The following MYO18A variants were observed in gnomAD, a reference collection of about 807,000 sequenced individuals.
The protein encoded by MYO18A is myosin XVIIIA, also known as unconventional myosin-XVIIIa.
MYO18A carries 78 observed loss-of-function variants against 235.8 expected under a neutral mutation model. The ratio of observed to expected loss-of-function variants is 0.33; its 90% CI spans 0.28 to 0.40. The LOEUF (loss-of-function observed/expected upper bound fraction) is 0.40. MYO18A is among the 10% of genes least tolerant of loss of function. MYO18A has a pLI of 1.00. For synonymous variants in MYO18A, 977 were observed against 1,077.8 expected (o/e 0.91, Z 1.83); for missense variants, 2,215 against 2,699.3 (o/e 0.82, Z 3.98).
chr17:29,144,646 C>T (rs1323993256), intron 2 of MYO18A, among the ~76,000 whole-genome samples: 5 of 152,186 alleles, frequency 3.3e-5, no homozygotes, highest in Non-Finnish European at 7.3e-5. Flanking sequence ...AAAGGCAGTA[C>T]ATGTAAAGCA....
intron 15 of MYO18A, among the ~76,000 whole-genome samples, chr17:29,112,886 G>A (rs1598324001): frequency 6.6e-6 from 1 of 152,254 alleles, no homozygotes; most frequent in African/African-American, 2.4e-5. Flanking sequence ...TCTAGTGGCA[G>A]GAACCGAGTA....
chr17:29,118,025 T>C lies in MYO18A; in HGVS notation c.2038+20A>G. The C allele has an allele frequency of 6.4e-7, 1 of 1,567,472 alleles. No individual in the cohort carries two copies. ...TCACCCAGGGGACAGGCCAGCCTAC[T>C]GGGACCCACTGCAGGTTACCTTTGG... is the stretch of plus-strand genomic sequence containing the variant. On this transcript the variant is annotated intron_variant, in intron 10 of 41. Coordinates refer to ENST00000527372, the MANE Select transcript of MYO18A (RefSeq NM_078471.4). This position sits in a 1 kb window ranked among gnomAD's most constrained non-coding sequence, Gnocchi z 4.2.
In MYO18A at chr17:29,180,198, G is replaced by T; in HGVS notation, c.-82+115C>A. 6.6e-6 allele frequency: 1 copy of T among 151,240 alleles called. No homozygotes were observed. Among genetic ancestry groups the T allele is most frequent in the South Asian group, 2.0e-4 (1 of 4,946 alleles). The allele number at this position is 151,240 out of a possible 1,614,324, so 9.4% of individuals were successfully genotyped here. ...CTTCCAGGGGACGGGGGAGGAGGAGGAGGAGCCGGCGGGCCCCGCCGCCCG... is the reference window on the plus strand; with the variant it reads ...CTTCCAGGGGACGGGGGAGGAGGAGTAGGAGCCGGCGGGCCCCGCCGCCCG... On this transcript the variant is annotated intron_variant, in intron 1 of 41. Coordinates refer to ENST00000527372, the MANE Select transcript of MYO18A (RefSeq NM_078471.4). The surrounding 1 kb of genome is among the most constrained non-coding windows in gnomAD (Gnocchi z 6.1).
At position 29,175,064 on chromosome 17, in the gene MYO18A, A is replaced by G. The variant is rs1054607071; in HGVS notation, c.-82+5249T>C. Among the ~76,000 whole-genome samples the G allele has an allele frequency of 2.6e-5, 4 of 152,250 alleles. 1 individual carries two copies. On this transcript the variant is annotated intron_variant, in intron 1 of 41. Coordinates refer to ENST00000527372, the MANE Select transcript of MYO18A (RefSeq NM_078471.4). ...GAAAAATATATGCTCTGGGGAGGAG[A>G]CTGGAATTTTAGAAGGGTCAAATAG... is the stretch of plus-strand genomic sequence containing the variant.
In MYO18A at chr17:29,109,890, C is replaced by A; in HGVS notation, c.3299G>T (p.Arg1100Leu). 3 of 1,569,400 alleles carry A rather than the reference C, an allele frequency of 1.9e-6. No homozygotes were observed. The highest frequency in any genetic ancestry group is 1.9e-5 in the Admixed American group (1 of 53,116). Residue 1100 changes from arginine to leucine, a missense_variant, in exon 19 of 42, where the codon CGC becomes CTC. Physicochemically the swap from Arg to Leu is moderately radical, Grantham distance 102. Coordinates refer to ENST00000527372, the MANE Select transcript of MYO18A (RefSeq NM_078471.4). The surrounding 1 kb of genome is among the most constrained non-coding windows in gnomAD (Gnocchi z 4.1). ...GTACATGCGCATGGCATCGAGCAGG[C>A]GGGAGCCGCGGAGCTGGGTGCGGAG... ...PLLRTQLRGS[R>L]LLDAMRMYRQ...
At chr17:29,171,303 A>C (rs1012975217) in intron 1 of MYO18A, among the ~76,000 whole-genome samples, 4 of 152,084 alleles carry the variant, frequency 2.6e-5, no homozygotes, top group African/African-American at 4.8e-5. Context: ...CGGGCGTGGC[A>C]GCACACACCT....
Position 29,121,535 on chromosome 17 carries a change from A to C in MYO18A, c.1371+12T>G. On this transcript the variant is annotated intron_variant, in intron 5 of 41. Coordinates refer to ENST00000527372, the MANE Select transcript of MYO18A (RefSeq NM_078471.4). This position sits in a 1 kb window ranked among gnomAD's most constrained non-coding sequence, Gnocchi z 4.2. ...ACCAGGAGTCTGCAGGGTAGCCTTGAGGGTGCTGCACCTTCTCAGAGTACA... is the reference window on the plus strand; with the variant it reads ...ACCAGGAGTCTGCAGGGTAGCCTTGCGGGTGCTGCACCTTCTCAGAGTACA... 6.3e-7 allele frequency: 1 copy of C among 1,590,778 alleles called. No homozygotes were observed.
rs2066612363 is a variant in MYO18A, at chr17:29,099,834, G to A, written c.3508-72C>T. 7.0e-6 allele frequency: 11 copies of A among 1,561,266 alleles called. No homozygotes were observed. The South Asian group carries it at 1.3e-4, about 19-fold the overall frequency. ...GCAGAGGAAAGGCAGAGAAGGTGAG[G>A]AACTGGAGAAACAAGCAGGCCAGGG... is the stretch of plus-strand genomic sequence containing the variant. On this transcript the variant is annotated intron_variant, in intron 21 of 41. Coordinates refer to ENST00000527372, the MANE Select transcript of MYO18A (RefSeq NM_078471.4).
At chr17:29,151,846 C>T (rs191158347) in intron 2 of MYO18A, among the ~76,000 whole-genome samples, 1 of 152,316 alleles carries the variant, frequency 6.6e-6, no homozygotes, top group African/African-American at 2.4e-5. Flanking sequence ...AATGAAGCCT[C>T]ATCCAGGGCA....
At chr17:29,080,063 G>A (rs984084044) in intron 41 of MYO18A, 2 of 985,810 alleles carry the variant, frequency 2.0e-6, no homozygotes, top group African/African-American at 1.7e-5. Flanking sequence ...CCGCTCCTTC[G>A]CCGGCTCCGG....
chr17:29,127,914 G>T, intron 2 of MYO18A: 1 of 994,444 alleles, frequency 1.0e-6, no homozygotes, highest in Non-Finnish European at 1.2e-6. Flanking sequence ...TCTGACTTCG[G>T]GCCGGTGGAG....
intron 2 of MYO18A, chr17:29,155,143 C>T (rs1308184345): frequency 6.6e-6 from 1 of 152,292 alleles, no homozygotes; most frequent in African/African-American, 2.4e-5. Flanking sequence ...CTGCACACGT[C>T]TTCTGTCCTT....
At chr17:29,131,172 T>G (rs1353710373) in intron 2 of MYO18A, among the ~76,000 whole-genome samples, 1 of 152,138 alleles carries the variant, frequency 6.6e-6, no homozygotes, top group East Asian at 1.9e-4. Flanking sequence ...ACACCGTACT[T>G]TCTTCCCCTT....
intron 11 of MYO18A, among the ~76,000 whole-genome samples, chr17:29,116,149 G>A (rs528995539): frequency 1.3e-5 from 2 of 152,362 alleles, no homozygotes; most frequent in South Asian, 2.1e-4. Flanking sequence ...TAGGGGAAGG[G>A]CGGAGTCAGA....
At chr17:29,144,629 G>C (rs2067809254) in intron 2 of MYO18A, among the ~76,000 whole-genome samples, 1 of 152,194 alleles carries the variant, frequency 6.6e-6, no homozygotes, top group African/African-American at 2.4e-5. Context: ...GCTGTTATAA[G>C]AATAGAAAAG....
chr17:29,080,524 AG>A (rs1317752795), intron 41 of MYO18A: 9 of 985,938 alleles, frequency 9.1e-6, no homozygotes, highest in Non-Finnish European at 1.1e-5. Flanking sequence ...GGCCCGGCTC[AG>A]GGAAGGGCTG....
rs1174547196 is a variant in MYO18A, at chr17:29,097,282, G to A, written c.4171C>T (p.Gln1391Ter). 6.2e-7 allele frequency: 1 copy of A among 1,611,252 alleles called. No homozygotes were observed. ...EVDFTKKRLQ[Q>*]EFEDKLEVEQ... ...ACCTCCAGCTTGTCCTCAAACTCCT[G>A]CTGGAGCCGTTTCTTGGTGAAGTCC... Residue 1391 changes from glutamine (Q) to a stop codon, truncating the protein, a stop_gained, in exon 27 of 42, where the codon CAG becomes TAG. Coordinates refer to ENST00000527372, the MANE Select transcript of MYO18A (RefSeq NM_078471.4). LOFTEE classifies it high-confidence loss of function.
rs1052495144 is a variant in MYO18A at position 29,096,923 on chromosome 17, C to A, written c.4231-8G>T. On this transcript the variant is annotated splice_region_variant and splice_polypyrimidine_tract_variant and intron_variant, in intron 27 of 41. Transcript: ENST00000527372. ...TGCCTGCAGGTCCCCGAGCTAGGGG[C>A]CAAGATGGGGTGCATATACAGAGAG... The A allele has an allele frequency of 9.0e-6, 14 of 1,554,656 alleles. No individual in the cohort carries two copies. The highest frequency in any genetic ancestry group is 1.1e-5 in the Non-Finnish European group (13 of 1,151,138).
intron 21 of MYO18A, among the ~76,000 whole-genome samples, chr17:29,102,695 CAG>C (rs957704758): frequency 6.6e-6 from 1 of 152,198 alleles, no homozygotes; most frequent in African/African-American, 2.4e-5. Flanking sequence ...CGCAAAGACA[CAG>C]AGATGGGAGC....
Sources: allele counts gnomAD v4.1 joint callset (sites outside exome capture counted in the v4.1 genomes callset), GRCh38; gene constraint gnomAD v4.1.1; non-coding constraint Gnocchi (gnomAD v3.1); transcripts MANE v1.5; gene names NCBI Gene and HGNC (gene_info 2026-07-23, HGNC 2026-07-21).